The following ACSL3 variants were observed in gnomAD, a reference collection of about 807,000 sequenced individuals.
The protein encoded by ACSL3 is acyl-CoA synthetase long chain family member 3, also known as fatty acid CoA ligase Acsl3.
Under a neutral mutation model 84.7 loss-of-function variants are expected in ACSL3, and 34 were observed. That is an observed-to-expected ratio of 0.40 (90% CI 0.31 to 0.53). ACSL3 has a LOEUF of 0.53. Ranked by LOEUF, ACSL3 falls within the 20% of genes least tolerant of loss-of-function variation. The pLI is 0.48. For missense variants in ACSL3, 680 were observed against 873.1 expected (o/e 0.78, Z 2.79); for synonymous variants, 315 against 299.4 (o/e 1.05, Z -0.54).
intron 2 of ACSL3, among the ~76,000 whole-genome samples, chr2:222,894,327 C>T (rs1364890667): frequency 6.6e-6 from 1 of 152,158 alleles, no homozygotes; most frequent in African/African-American, 2.4e-5. Context: ...AGAGATCTTC[C>T]TTGTGCTTGA....
At chr2:222,900,082 C>T (rs1029821600) in intron 2 of ACSL3, among the ~76,000 whole-genome samples, 1 of 152,166 alleles carries the variant, frequency 6.6e-6, no homozygotes, top group Non-Finnish European at 1.5e-5. Context: ...GTATCTATGA[C>T]TAGTTCTAAA....
intron 4 of ACSL3, among the ~76,000 whole-genome samples, chr2:222,916,077 A>G (rs377527082): frequency 3.3e-5 from 5 of 152,214 alleles, no homozygotes; most frequent in African/African-American, 9.6e-5. Flanking sequence ...TTGAAAACCA[A>G]AAATAAAGCC....
intron 16 of ACSL3, among the ~76,000 whole-genome samples, chr2:222,937,032 G>A (rs1193284294): frequency 1.3e-5 from 2 of 152,124 alleles, no homozygotes; most frequent in East Asian, 3.9e-4. Context: ...TTTGAGATGA[G>A]ATTTGGGTGG....
chr2:222,886,570 A>G (rs899468362), intron 1 of ACSL3, among the ~76,000 whole-genome samples: 1 of 152,224 alleles, frequency 6.6e-6, no homozygotes, highest in Non-Finnish European at 1.5e-5. Context: ...ATGACTGCTA[A>G]CCTGTTTGCT....
intron 3 of ACSL3, among the ~76,000 whole-genome samples, chr2:222,902,949 G>A (rs1466627241): frequency 4.6e-5 from 7 of 152,226 alleles, no homozygotes; most frequent in African/African-American, 1.7e-4. Context: ...AGGCTTGAAG[G>A]TGAGGTTTCA....
At chr2:222,911,946 G>A (rs1490493452) in intron 4 of ACSL3, among the ~76,000 whole-genome samples, 1 of 152,170 alleles carries the variant, frequency 6.6e-6, no homozygotes, top group Non-Finnish European at 1.5e-5. Context: ...TTACTGTGAA[G>A]TTTTATTTAG....
At chr2:222,915,008 A>G (rs560562427) in intron 4 of ACSL3, among the ~76,000 whole-genome samples, 14 of 152,384 alleles carry the variant, frequency 9.2e-5, no homozygotes, top group African/African-American at 3.4e-4. Flanking sequence ...TTATATATCA[A>G]ACACCTTTTC....
Position 222,921,404 on chromosome 2 carries a change from G to A in ACSL3, c.930G>A (p.Gly310=), listed in dbSNP as rs1031402645. ...SHSNIIAGIT[G]MAERIPELGE... is the part of the protein sequence containing the mutation. ...GTAACATTATTGCTGGTATAACTGG[G>A]ATGGCAGAAAGGATTCCAGAACTAG... is the stretch of plus-strand genomic sequence containing the variant. The change falls in exon 8 of 17, where the codon GGG becomes GGA. Residue 310 remains glycine, a synonymous_variant. Transcript: ENST00000357430. The A allele has an allele frequency of 6.3e-7, 1 of 1,591,822 alleles. No individual in the cohort carries two copies. Among genetic ancestry groups the A allele is most frequent in the African/African-American group, 1.3e-5 (1 of 74,742 alleles).
chr2:222,865,322 T>C (rs866860938), intron 1 of ACSL3, among the ~76,000 whole-genome samples: 1 of 152,256 alleles, frequency 6.6e-6, no homozygotes, highest in Admixed American at 6.5e-5. Context: ...ACTGATCTGC[T>C]AATTTTTGTT....
Position 222,934,617 on chromosome 2 carries a change from G to C in ACSL3, c.1935G>C (p.Trp645Cys). The C allele has an allele frequency of 2.5e-6, 4 of 1,608,704 alleles. No homozygotes were observed. The highest frequency in any genetic ancestry group is 3.4e-6 in the Non-Finnish European group (4 of 1,178,248). The stretch of plus-strand genomic sequence containing the variant: ...GAAAGAAAGGACTTAAAGGGACTTG[G>C]GAGGAGCTGTGTAACAGTTGTGAAA... ...LARKKGLKGTWEELCNSCEME... is the reference protein window; with the variant it reads ...LARKKGLKGTCEELCNSCEME... The change falls in exon 16 of 17, where the codon TGG becomes TGC. Residue 645 changes from tryptophan to cysteine, a missense_variant. Trp to Cys is a radical substitution (Grantham distance 215, BLOSUM62 -2). Coordinates refer to ENST00000357430, the MANE Select transcript of ACSL3 (RefSeq NM_004457.5).
chr2:222,889,144 A>G (rs1695788020), intron 2 of ACSL3, among the ~76,000 whole-genome samples: 1 of 152,216 alleles, frequency 6.6e-6, no homozygotes, highest in Non-Finnish European at 1.5e-5. Flanking sequence ...GTAGACATTT[A>G]TAGAAATGAC....
At position 222,941,761 on chromosome 2, in the gene ACSL3, C is replaced by G. The variant is rs1252024176; in HGVS notation, c.*107C>G. 1 of 1,230,652 alleles carries G rather than the reference C, an allele frequency of 8.1e-7. No individual in the cohort carries two copies. Among genetic ancestry groups the G allele is most frequent in the Non-Finnish European group, 1.1e-6 (1 of 906,536 alleles). 76.2% of individuals were successfully genotyped at this position (1,230,652 alleles called of 1,614,324 possible). A position where few individuals can be genotyped will look rare whatever the true frequency, so the allele number is the denominator to read the frequency against. ...GGCAAACTCCATTCCTCATATTAAA[C>G]TATTACTTCTCATGACGTCACCATT... On this transcript the variant is annotated 3_prime_UTR_variant, in exon 17 of 17. Transcript: ENST00000357430.
chr2:222,924,329 C>T, intron 10 of ACSL3, 127 bp from the exon 11 acceptor site: 2 of 790,334 alleles, frequency 2.5e-6, no homozygotes, highest in Non-Finnish European at 3.6e-6. Context: ...TGCTGAATCA[C>T]ATCCACAGTT....
At chr2:222,901,054 C>T (rs1316393879) in intron 3 of ACSL3, among the ~76,000 whole-genome samples, 1 of 152,228 alleles carries the variant, frequency 6.6e-6, no homozygotes, top group South Asian at 2.1e-4. Context: ...ATCCCTACTC[C>T]CACTCCCCTA....
At chr2:222,912,606 A>G (rs1171240175) in intron 4 of ACSL3, among the ~76,000 whole-genome samples, 1 of 152,242 alleles carries the variant, frequency 6.6e-6, no homozygotes, top group East Asian at 1.9e-4. Context: ...GATATGGTTG[A>G]AGGAAAGATG....
At chr2:222,940,875 C>T (rs1362445647) in intron 16 of ACSL3, among the ~76,000 whole-genome samples, 1 of 151,968 alleles carries the variant, frequency 6.6e-6, no homozygotes, top group Non-Finnish European at 1.5e-5. Flanking sequence ...TATTGGATAC[C>T]CTATTAGATA....
chr2:222,931,718 CATTTA>C (rs1165679314), intron 14 of ACSL3, among the ~76,000 whole-genome samples: 2 of 152,200 alleles, frequency 1.3e-5, no homozygotes, highest in Non-Finnish European at 2.9e-5. Context: ...TGGCCACAAC[CATTTA>C]ATGTCTCCTA....
chr2:222,889,241 T>G (rs1695789946), intron 2 of ACSL3, among the ~76,000 whole-genome samples: 1 of 152,068 alleles, frequency 6.6e-6, no homozygotes, highest in South Asian at 2.1e-4. Flanking sequence ...CTCAGTAGGG[T>G]ACTTAGGATA....
chr2:222,920,786 T>C (rs6739824), intron 7 of ACSL3, among the ~76,000 whole-genome samples: 138,912 of 152,238 alleles, frequency 0.91, 63,499 homozygotes, highest in East Asian at 0.98. Context: ...GCCACTTGAC[T>C]ATTGTTTCTT....
Sources: allele counts gnomAD v4.1 joint callset (sites outside exome capture counted in the v4.1 genomes callset), GRCh38; gene constraint gnomAD v4.1.1; transcripts MANE v1.5; gene names NCBI Gene and HGNC (gene_info 2026-07-23, HGNC 2026-07-21).